The following CLEC16A variants were observed in gnomAD, a reference collection of about 807,000 sequenced individuals.
CLEC16A encodes the protein C-type lectin domain containing 16A.
Under a neutral mutation model 109.5 loss-of-function variants are expected in CLEC16A, and 51 were observed. The observed-to-expected ratio is 0.47, with a 90% CI of 0.37 to 0.59. CLEC16A has a LOEUF of 0.59. Among genes scored for constraint, CLEC16A ranks in the 20% least tolerant of loss-of-function variants. The pLI is 0.00. For missense variants in CLEC16A, 1,339 were observed against 1,394.0 expected, an observed-to-expected ratio of 0.96 and a Z score of 0.63; for synonymous variants, 673 against 564.2, an observed-to-expected ratio of 1.19 and a Z score of -2.73.
chr16:11,017,081 C>T (rs996400830), intron 11 of CLEC16A, among the ~76,000 whole-genome samples: 1 of 151,928 alleles, frequency 6.6e-6, no homozygotes, highest in Non-Finnish European at 1.5e-5. Flanking sequence ...TCTCTTGGGG[C>T]ATGAGATATC....
intron 22 of CLEC16A, among the ~76,000 whole-genome samples, chr16:11,142,422 C>T (rs2053878619): frequency 6.6e-6 from 1 of 152,246 alleles, no homozygotes; most frequent in African/African-American, 2.4e-5. Context: ...GTGCTTGGCC[C>T]TTGGCACTAA....
chr16:11,154,818 TTGGGAGGC>T (rs1026846993), intron 22 of CLEC16A, among the ~76,000 whole-genome samples: 4 of 151,672 alleles, frequency 2.6e-5, no homozygotes, highest in African/African-American at 9.7e-5. Flanking sequence ...TCCCAGCTAC[TTGGGAGGC>T]TGAGGTAAGA....
chr16:11,150,919 C>T (rs538078265), intron 22 of CLEC16A, among the ~76,000 whole-genome samples: 6 of 152,280 alleles, frequency 3.9e-5, no homozygotes, highest in Admixed American at 6.5e-5. Flanking sequence ...TTCATCTTCA[C>T]GTGATGTTCT....
At chr16:11,002,498 A>G (rs2044725539) in intron 10 of CLEC16A, among the ~76,000 whole-genome samples, 1 of 152,218 alleles carries the variant, frequency 6.6e-6, no homozygotes, top group Non-Finnish European at 1.5e-5. Flanking sequence ...CTTTATTAAA[A>G]TATGTTTTTA....
chr16:11,074,796 G>T (rs543983203), intron 19 of CLEC16A, among the ~76,000 whole-genome samples: 1 of 152,280 alleles, frequency 6.6e-6, no homozygotes, highest in East Asian at 1.9e-4. Context: ...TACAAAGCAG[G>T]ATTTCTAGAT....
chr16:11,110,937 C>T (rs955970512), intron 19 of CLEC16A, among the ~76,000 whole-genome samples: 2 of 152,152 alleles, frequency 1.3e-5, no homozygotes, highest in Admixed American at 6.5e-5. Flanking sequence ...ATGCTTTTTC[C>T]TTTTCTCCTC....
chr16:11,161,668 C>T (rs1377781377), intron 22 of CLEC16A, among the ~76,000 whole-genome samples: 1 of 152,230 alleles, frequency 6.6e-6, no homozygotes, highest in African/African-American at 2.4e-5. Flanking sequence ...AACTCAAACG[C>T]CCACACGGCC....
intron 7 of CLEC16A, among the ~76,000 whole-genome samples, chr16:10,975,070 C>G (rs7201325): frequency 0.18 from 28,124 of 152,120 alleles, 2,860 homozygotes; most frequent in South Asian, 0.29. Flanking sequence ...GGGCTGGGTG[C>G]GGTGGCTCAC....
chr16:11,065,484 G>C (rs1046187615), intron 19 of CLEC16A, among the ~76,000 whole-genome samples: 1 of 152,268 alleles, frequency 6.6e-6, no homozygotes, highest in Non-Finnish European at 1.5e-5. Context: ...AGCACCTGCT[G>C]TATGCCAGGC....
intron 19 of CLEC16A, among the ~76,000 whole-genome samples, chr16:11,063,119 A>G (rs1363351452): frequency 6.6e-6 from 1 of 152,164 alleles, no homozygotes; most frequent in African/African-American, 2.4e-5. Context: ...GTTGGCCATT[A>G]AGAAAGTAAT....
rs746086401 is a variant in CLEC16A, at chr16:10,979,315, C to T, written c.904-14C>T. The T allele has an allele frequency of 6.2e-7, 1 of 1,609,476 alleles. No homozygotes were observed. Among genetic ancestry groups the T allele is most frequent in the South Asian group, 1.1e-5 (1 of 90,380 alleles). ...ACCTGATCTCTCTCTCTCTCTCCTG[C>T]CACCCTGCACTAGGGAGGAGAACGG... On this transcript the variant is annotated splice_polypyrimidine_tract_variant and intron_variant, in intron 8 of 23. Coordinates refer to ENST00000409790, the MANE Select transcript of CLEC16A (RefSeq NM_015226.3).
intron 3 of CLEC16A, 74 bp downstream of exon 3, chr16:10,962,662 T>C: frequency 6.6e-7 from 1 of 1,518,860 alleles, no homozygotes; most frequent in African/African-American, 1.4e-5. Flanking sequence ...TGGTTTTCTG[T>C]GTCTGCGCTT....
intron 11 of CLEC16A, among the ~76,000 whole-genome samples, chr16:11,013,787 A>C (rs2045579809): frequency 6.6e-6 from 1 of 151,928 alleles, no homozygotes; most frequent in Non-Finnish European, 1.5e-5. Flanking sequence ...AAAAATACAA[A>C]AATGAGCCGG....
chr16:11,075,022 A>G (rs560048012), intron 19 of CLEC16A, among the ~76,000 whole-genome samples: 2 of 152,296 alleles, frequency 1.3e-5, no homozygotes, highest in East Asian at 3.9e-4. Flanking sequence ...AAATTTTTTT[A>G]AAAATTAGCA....
At chr16:11,119,452 G>T (rs1194046332) in intron 19 of CLEC16A, among the ~76,000 whole-genome samples, 2 of 152,270 alleles carry the variant, frequency 1.3e-5, no homozygotes, top group African/African-American at 4.8e-5. Context: ...GCAGTGGCAT[G>T]ATCATGGCTC....
chr16:11,040,065 T>C, intron 14 of CLEC16A, 189 bp downstream of exon 14: 1 of 611,912 alleles, frequency 1.6e-6, no homozygotes, highest in South Asian at 2.7e-5. Context: ...GTGTCTTAGC[T>C]CTGGGTCTCC....
chr16:11,148,194 A>G (rs1324771648), intron 22 of CLEC16A, among the ~76,000 whole-genome samples: 1 of 152,196 alleles, frequency 6.6e-6, no homozygotes, highest in African/African-American at 2.4e-5. Context: ...TGAGATGGAA[A>G]ACAGGTGACC....
chr16:11,178,779 C>T lies in CLEC16A; in HGVS notation c.*89C>T. 2.9e-6 allele frequency: 3 copies of T among 1,031,678 alleles called. No individual in the cohort carries two copies. The highest frequency in any genetic ancestry group is 4.1e-6 in the Non-Finnish European group (3 of 732,522). The allele number at this position is 1,031,678 out of a possible 1,614,324, so 63.9% of individuals were successfully genotyped here. On this transcript the variant is annotated 3_prime_UTR_variant, in exon 24 of 24. Transcript: ENST00000409790. The surrounding 1 kb of genome is among the most constrained non-coding windows in gnomAD (Gnocchi z 6.5). Reference sequence around the variant, plus strand: ...TGGCAAGACACACTGGGAGCACCCACCATTCTGTGCGGCCCCCAGCAGCCA... The same window carrying T: ...TGGCAAGACACACTGGGAGCACCCATCATTCTGTGCGGCCCCCAGCAGCCA...
chr16:10,982,645 C>T (rs1202100054), intron 9 of CLEC16A, among the ~76,000 whole-genome samples: 1 of 152,198 alleles, frequency 6.6e-6, no homozygotes, highest in Non-Finnish European at 1.5e-5. Flanking sequence ...AATGCACTTC[C>T]TTCCGAGGAA....
Sources: gnomAD v4.1 joint callset for allele counts (sites outside exome capture counted in the v4.1 genomes callset) on GRCh38, gnomAD v4.1.1 for gene constraint, Gnocchi (gnomAD v3.1) non-coding constraint, MANE v1.5 for transcripts, NCBI Gene and HGNC (gene_info 2026-07-23, HGNC 2026-07-21) for gene names.